The following GALNT17 variants were observed in gnomAD, a reference collection of about 807,000 sequenced individuals.
GALNT17 encodes the protein polypeptide N-acetylgalactosaminyltransferase 17.
Under a neutral mutation model 63.7 loss-of-function variants are expected in GALNT17, and 29 were observed. That is an observed-to-expected ratio of 0.46 (90% CI 0.34 to 0.62). The LOEUF is 0.62. GALNT17 is among the 20% of genes least tolerant of loss of function. The pLI, the probability that GALNT17 is intolerant of heterozygous loss-of-function variation, is 0.01. For missense variants in GALNT17, 603 were observed against 799.6 expected (o/e 0.75, Z 2.97); for synonymous variants, 305 against 318.3 (o/e 0.96, Z 0.45).
intron 5 of GALNT17, among the ~76,000 whole-genome samples, chr7:71,465,379 G>A (rs1787518642): frequency 6.6e-6 from 1 of 152,202 alleles, no homozygotes; most frequent in Admixed American, 6.5e-5. Context: ...GGGGGTGTCA[G>A]AGGCAAAATA....
chr7:71,402,181 T>C (rs1214817647), intron 3 of GALNT17, among the ~76,000 whole-genome samples: 1 of 152,212 alleles, frequency 6.6e-6, no homozygotes, highest in African/African-American at 2.4e-5. Context: ...GTCCTAACAA[T>C]ATCATAAAGG....
chr7:71,711,930 C>A, intron 10 of GALNT17, 88 bp from the exon 11 acceptor site: 3 of 1,411,446 alleles, frequency 2.1e-6, no homozygotes, highest in Non-Finnish European at 2.9e-6. Flanking sequence ...TTTCTCTCTC[C>A]TGTCTCTCTT....
intron 2 of GALNT17, among the ~76,000 whole-genome samples, chr7:71,385,071 C>T (rs1013719560): frequency 6.6e-6 from 1 of 152,146 alleles, no homozygotes; most frequent in African/African-American, 2.4e-5. Flanking sequence ...GGTCCTGTCC[C>T]TTGGGTGTGG....
chr7:71,169,152 C>A (rs1346008210), intron 1 of GALNT17, among the ~76,000 whole-genome samples: 1 of 152,184 alleles, frequency 6.6e-6, no homozygotes, highest in African/African-American at 2.4e-5. Flanking sequence ...GTGCAGCTTT[C>A]TCCTCCAAAC....
At position 71,464,977 on chromosome 7, in the gene GALNT17, G is replaced by A. The variant is rs187871356; in HGVS notation, c.962+43872G>A. 2.8e-4 allele frequency among the ~76,000 whole-genome samples: 43 copies of A among 152,274 alleles called. 5 individuals are homozygous for A. The East Asian group carries it at 2.9e-3, about 10-fold the overall frequency. On this transcript the variant is annotated intron_variant, in intron 5 of 10. Coordinates refer to ENST00000333538, the MANE Select transcript of GALNT17 (RefSeq NM_022479.3). ...GGAGATCCAGCAAACTGAGAAGATG[G>A]TGGACTAGCATTCTAAAGAACCATC...
intron 1 of GALNT17, among the ~76,000 whole-genome samples, chr7:71,219,612 CT>C (rs776398934): frequency 7.2e-5 from 11 of 151,914 alleles, no homozygotes; most frequent in Non-Finnish European, 1.0e-4. Context: ...TATTTCCTGA[CT>C]TTTCCTTTTT....
intron 3 of GALNT17, 131 bp downstream of exon 3, chr7:71,388,532 T>C: frequency 8.5e-7 from 1 of 1,171,810 alleles, no homozygotes; most frequent in Non-Finnish European, 1.2e-6. Flanking sequence ...ATATTTTTTC[T>C]TTTTCTTTTT....
rs532757885 is a variant in GALNT17, at chr7:71,479,205, A to G, written c.962+58100A>G. Among the ~76,000 whole-genome samples the G allele has an allele frequency of 2.6e-5, 4 of 152,268 alleles. No homozygotes were observed. In the South Asian group the frequency reaches 8.3e-4, roughly 32 times the overall value. ...CAGTGGATTCAGAATCAGTAGCTTTATAAGAAGGGCTTTGCTCAGTTCATG... is the reference window on the plus strand; with the variant it reads ...CAGTGGATTCAGAATCAGTAGCTTTGTAAGAAGGGCTTTGCTCAGTTCATG... On this transcript the variant is annotated intron_variant, in intron 5 of 10. Transcript: ENST00000333538.
rs763563724 is a variant in GALNT17 at position 71,542,337 on chromosome 7, T to TA, written c.963-28938dup. Among the ~76,000 whole-genome samples, 58 of 149,284 alleles carry TA rather than the reference T, an allele frequency of 3.9e-4. No homozygotes were observed. In the Middle Eastern group the frequency reaches 0.01, roughly 27 times the overall value. On this transcript the variant is annotated intron_variant, in intron 5 of 10. Transcript: ENST00000333538. ...ATTAACTGTTGCATTTATTGGAATT[T>TA]AAAAAAAAAACCTAGAAAATCCACT...
intron 5 of GALNT17, among the ~76,000 whole-genome samples, chr7:71,433,183 A>G (rs1163808489): frequency 6.6e-6 from 1 of 152,242 alleles, no homozygotes; most frequent in Non-Finnish European, 1.5e-5. Flanking sequence ...GGAAGTCGTC[A>G]TCTTCCAGAT....
intron 5 of GALNT17, among the ~76,000 whole-genome samples, chr7:71,463,363 G>T (rs1787482726): frequency 6.6e-6 from 1 of 152,190 alleles, no homozygotes; most frequent in Admixed American, 6.5e-5. Flanking sequence ...CATGGGCAGT[G>T]TCTAGTGCTA....
intron 5 of GALNT17, among the ~76,000 whole-genome samples, chr7:71,478,663 C>G (rs1787763760): frequency 6.6e-6 from 1 of 152,064 alleles, no homozygotes; most frequent in Admixed American, 6.6e-5. Context: ...TTCACTGCCT[C>G]CCTTGTAGCT....
intron 1 of GALNT17, among the ~76,000 whole-genome samples, chr7:71,261,118 T>C (rs1790378172): frequency 6.6e-6 from 1 of 152,132 alleles, no homozygotes; most frequent in Admixed American, 6.5e-5. Context: ...CTCCGATGGA[T>C]TATATCAGAA....
At chr7:71,445,889 T>C (rs1173076266) in intron 5 of GALNT17, among the ~76,000 whole-genome samples, 1 of 152,144 alleles carries the variant, frequency 6.6e-6, no homozygotes, top group Non-Finnish European at 1.5e-5. Flanking sequence ...TACCTTGGCC[T>C]CCCAAAGTGC....
intron 1 of GALNT17, among the ~76,000 whole-genome samples, chr7:71,157,227 C>T (rs1348366946): frequency 6.6e-6 from 1 of 151,860 alleles, no homozygotes; most frequent in African/African-American, 2.4e-5. Flanking sequence ...AGATATCACC[C>T]CTAGTTCCCA....
At chr7:71,577,996 G>A (rs1186351009) in intron 6 of GALNT17, among the ~76,000 whole-genome samples, 1 of 147,630 alleles carries the variant, frequency 6.8e-6, no homozygotes, top group African/African-American at 2.5e-5. Context: ...CTTCGGAGGG[G>A]TTGTTTACAT....
chr7:71,671,745 G>T (rs1791072595), intron 8 of GALNT17, among the ~76,000 whole-genome samples: 2 of 152,188 alleles, frequency 1.3e-5, no homozygotes, highest in Admixed American at 6.6e-5. Context: ...ACCTGGCATG[G>T]CCAAGCACCG....
intron 1 of GALNT17, among the ~76,000 whole-genome samples, chr7:71,299,249 T>C (rs1791146511): frequency 6.6e-6 from 1 of 152,180 alleles, no homozygotes; most frequent in Non-Finnish European, 1.5e-5. Flanking sequence ...TCTTGCATGT[T>C]AATAACTTTT....
chr7:71,224,655 C>T (rs1789649017), intron 1 of GALNT17, among the ~76,000 whole-genome samples: 1 of 152,158 alleles, frequency 6.6e-6, no homozygotes, highest in Non-Finnish European at 1.5e-5. Context: ...GGTTTCTCTT[C>T]CTTGCAAGGA....
Sources: allele counts gnomAD v4.1 joint callset (sites outside exome capture counted in the v4.1 genomes callset), GRCh38; gene constraint gnomAD v4.1.1; transcripts MANE v1.5; gene names NCBI Gene and HGNC (gene_info 2026-07-23, HGNC 2026-07-21).